CSMD1: variants seen among roughly 807,000 people sequenced by gnomAD.
CSMD1 encodes CUB and sushi domain-containing protein 1.
Under a neutral mutation model 417.5 loss-of-function variants are expected in CSMD1, and 213 were observed. The ratio of observed to expected loss-of-function variants is 0.51; its 90% CI spans 0.46 to 0.57. CSMD1 has a LOEUF of 0.57. Ranked by LOEUF, CSMD1 falls within the 20% of genes least tolerant of loss-of-function variation. The probability of loss-of-function intolerance (pLI) is 0.00; values close to 1 mark genes in which losing one functional copy is unlikely to be tolerated. For missense variants in CSMD1, 6,923 were observed against 4,529.7 expected (o/e 1.53, Z -15.17); for synonymous variants, 2,862 against 1,736.8 (o/e 1.65, Z -16.11).
intron 25 of CSMD1, among the ~76,000 whole-genome samples, chr8:3,293,533 T>G (rs1415404119): frequency 6.6e-6 from 1 of 152,156 alleles, no homozygotes; most frequent in African/African-American, 2.4e-5. Flanking sequence ...TTCTTTTTAT[T>G]CTTTTTTTCT....
intron 7 of CSMD1, among the ~76,000 whole-genome samples, chr8:3,629,291 C>T (rs999959566): frequency 7.1e-6 from 1 of 140,294 alleles, no homozygotes; most frequent in African/African-American, 2.6e-5. Context: ...TAATGGAAAG[C>T]AGAGACTCTT....
At chr8:3,455,701 C>T (rs112064624) in intron 12 of CSMD1, among the ~76,000 whole-genome samples, 5 of 152,200 alleles carry the variant, frequency 3.3e-5, no homozygotes, top group African/African-American at 1.2e-4. Flanking sequence ...ACCTGGCCAT[C>T]TGAGGTGTCA....
At chr8:3,069,523 C>T (rs1813183376) in intron 49 of CSMD1, among the ~76,000 whole-genome samples, 1 of 152,150 alleles carries the variant, frequency 6.6e-6, no homozygotes, top group Non-Finnish European at 1.5e-5. Flanking sequence ...TCTTAAACCT[C>T]CCAAATAACT....
intron 3 of CSMD1, among the ~76,000 whole-genome samples, chr8:4,398,714 C>T (rs6990959): frequency 0.11 from 16,398 of 152,138 alleles, 2,489 homozygotes; most frequent in African/African-American, 0.34. Context: ...CATTTAGCTA[C>T]AGCTTTCAAA....
At chr8:3,672,595 T>C (rs1799133533) in intron 7 of CSMD1, among the ~76,000 whole-genome samples, 1 of 152,228 alleles carries the variant, frequency 6.6e-6, no homozygotes, top group Non-Finnish European at 1.5e-5. Context: ...TGTGTTTACA[T>C]TTGGCCATTG....
intron 3 of CSMD1, among the ~76,000 whole-genome samples, chr8:4,177,586 G>C (rs1221412444): frequency 6.6e-6 from 1 of 151,322 alleles, no homozygotes; most frequent in Non-Finnish European, 1.5e-5. Flanking sequence ...AATCAGAGCA[G>C]AACTGAAGGA....
intron 3 of CSMD1, among the ~76,000 whole-genome samples, chr8:4,247,929 A>T (rs374134112): frequency 6.6e-6 from 1 of 152,218 alleles, no homozygotes; most frequent in Non-Finnish European, 1.5e-5. Flanking sequence ...ATGTAGGTAC[A>T]TTAATCAAAT....
At chr8:4,956,683 C>A (rs1273337796) in intron 1 of CSMD1, among the ~76,000 whole-genome samples, 5 of 152,030 alleles carry the variant, frequency 3.3e-5, no homozygotes, top group African/African-American at 4.8e-5. Context: ...AGTTGATATT[C>A]ACTCACTTAC....
At chr8:3,740,331 C>G (rs1262409060) in intron 6 of CSMD1, among the ~76,000 whole-genome samples, 1 of 152,146 alleles carries the variant, frequency 6.6e-6, no homozygotes, top group Non-Finnish European at 1.5e-5. Flanking sequence ...GTCTCGAACT[C>G]CTTAACTCAA....
intron 5 of CSMD1, among the ~76,000 whole-genome samples, chr8:3,966,765 GCA>G (rs926761750): frequency 1.8e-4 from 23 of 131,134 alleles, no homozygotes; most frequent in Admixed American, 9.1e-4. Flanking sequence ...GCGCGCGCGC[GCA>G]CACACACTGA....
At chr8:3,193,998 C>G (rs1270780128) in intron 33 of CSMD1, among the ~76,000 whole-genome samples, 3 of 152,134 alleles carry the variant, frequency 2.0e-5, no homozygotes, top group Non-Finnish European at 4.4e-5. Context: ...CTAAGTGAAG[C>G]AGTTTTCTTT....
intron 3 of CSMD1, among the ~76,000 whole-genome samples, chr8:4,201,608 A>C (rs1193201041): frequency 6.6e-6 from 1 of 151,608 alleles, no homozygotes; most frequent in African/African-American, 2.4e-5. Context: ...CTGTAGAAGA[A>C]AATTGAAATA....
chr8:4,355,727 T>C (rs1168209752), intron 3 of CSMD1, among the ~76,000 whole-genome samples: 2 of 152,196 alleles, frequency 1.3e-5, no homozygotes, highest in Non-Finnish European at 2.9e-5. Flanking sequence ...GCAATGCATC[T>C]TTATTCATTT....
At chr8:3,556,436 G>A (rs1330674740) in intron 10 of CSMD1, among the ~76,000 whole-genome samples, 1 of 110,928 alleles carries the variant, frequency 9.0e-6, no homozygotes, top group Non-Finnish European at 1.9e-5. Flanking sequence ...AAGAATTTAT[G>A]AGGGATCCTG....
At chr8:2,997,475 C>A (rs1807014088) in intron 54 of CSMD1, among the ~76,000 whole-genome samples, 1 of 152,114 alleles carries the variant, frequency 6.6e-6, no homozygotes. Flanking sequence ...GTACAATACA[C>A]CACCAATAAG....
intron 3 of CSMD1, among the ~76,000 whole-genome samples, chr8:4,188,168 T>C (rs1798795087): frequency 2.6e-5 from 4 of 152,128 alleles, no homozygotes; most frequent in Admixed American, 2.0e-4. Context: ...AAATTGCACG[T>C]CATTCTTCTA....
intron 1 of CSMD1, among the ~76,000 whole-genome samples, chr8:4,740,396 G>A (rs766802650): frequency 1.5e-4 from 23 of 152,088 alleles, no homozygotes; most frequent in Admixed American, 7.2e-4. Flanking sequence ...TGAGGAAATA[G>A]CAGCCTCTAT....
intron 8 of CSMD1, among the ~76,000 whole-genome samples, chr8:3,607,465 T>G (rs111748095): frequency 8.5e-5 from 13 of 152,306 alleles, no homozygotes; most frequent in African/African-American, 3.1e-4. Context: ...AGTCATTGAT[T>G]CTCATTATCA....
At chr8:4,907,527 T>TA (rs367896735) in intron 1 of CSMD1, among the ~76,000 whole-genome samples, 1 of 142,914 alleles carries the variant, frequency 7.0e-6, no homozygotes, top group Non-Finnish European at 1.5e-5. Flanking sequence ...AAAAAAAATT[T>TA]AAATTATTTT....
Sources: gnomAD v4.1 joint callset for allele counts (sites outside exome capture counted in the v4.1 genomes callset) on GRCh38, gnomAD v4.1.1 for gene constraint, MANE v1.5 for transcripts, NCBI Gene and HGNC (gene_info 2026-07-23, HGNC 2026-07-21) for gene names.